The following CERT1 variants were observed in gnomAD, a reference collection of about 807,000 sequenced individuals.
The protein encoded by CERT1 is ceramide transfer protein.
A neutral mutation model predicts 87.9 loss-of-function variants in CERT1; 31 were observed. The observed-to-expected ratio is 0.35, with a 90% CI of 0.27 to 0.48. CERT1 has a LOEUF of 0.48. Among genes scored for constraint, CERT1 ranks in the 20% least tolerant of loss-of-function variants. CERT1 has a pLI of 0.99. For missense variants in CERT1, 487 were observed against 758.0 expected (o/e 0.64, Z 4.20); for synonymous variants, 289 against 250.9 (o/e 1.15, Z -1.44).
intron 16 of CERT1, among the ~76,000 whole-genome samples, chr5:75,380,285 G>A (rs796774110): frequency 3.3e-5 from 5 of 152,186 alleles, no homozygotes; most frequent in East Asian, 1.9e-4. Context: ...CTAGGGAAAC[G>A]CTGACTCAGA....
At chr5:75,416,754 T>C (rs571329414) in intron 7 of CERT1, 122 bp downstream of exon 7, 3 of 762,134 alleles carry the variant, frequency 3.9e-6, no homozygotes, top group Admixed American at 2.9e-5. Context: ...AGAGTAGTAG[T>C]ATCATCTGCT....
chr5:75,425,573 A>G, intron 4 of CERT1, 74 bp from the exon 5 acceptor site: 1 of 1,487,094 alleles, frequency 6.7e-7, no homozygotes. Context: ...ATGGTATTTC[A>G]TCAACTTTTA....
chr5:75,482,918 G>A (rs1285842076), intron 2 of CERT1, among the ~76,000 whole-genome samples: 2 of 151,336 alleles, frequency 1.3e-5, no homozygotes, highest in African/African-American at 4.8e-5. Flanking sequence ...AAGAAGAATG[G>A]GTACAAAGAA....
At chr5:75,397,642 T>C (rs182139640) in intron 11 of CERT1, among the ~76,000 whole-genome samples, 10 of 152,368 alleles carry the variant, frequency 6.6e-5, no homozygotes, top group African/African-American at 2.2e-4. Context: ...TTTAATGCAA[T>C]GTGGAGCTTA....
chr5:75,425,317 CCATT>C, intron 5 of CERT1, 40 bp downstream of exon 5: 2 of 1,567,322 alleles, frequency 1.3e-6, no homozygotes, highest in Non-Finnish European at 8.7e-7. Flanking sequence ...GGCTTTTAAT[CCATT>C]CATTCTCCAA....
intron 2 of CERT1, among the ~76,000 whole-genome samples, chr5:75,472,505 ATATCTGCAAAC>A (rs1371947084): frequency 6.6e-6 from 1 of 152,230 alleles, no homozygotes; most frequent in Non-Finnish European, 1.5e-5. Context: ...ATGGGAGAAA[ATATCTGCAAAC>A]TATATCTCTG....
intron 3 of CERT1, among the ~76,000 whole-genome samples, chr5:75,430,551 A>G (rs991701229): frequency 2.0e-5 from 3 of 152,232 alleles, no homozygotes; most frequent in Non-Finnish European, 2.9e-5. Flanking sequence ...ACAAAGAGGT[A>G]GAAGAAAATG....
intron 8 of CERT1, among the ~76,000 whole-genome samples, chr5:75,408,762 C>T (rs1385534803): frequency 2.0e-5 from 3 of 151,828 alleles, no homozygotes; most frequent in Non-Finnish European, 4.4e-5. Context: ...TGCATGTGTA[C>T]TTCCAATGTA....
At chr5:75,388,693 G>A (rs1393258392) in intron 12 of CERT1, among the ~76,000 whole-genome samples, 1 of 145,882 alleles carries the variant, frequency 6.9e-6, no homozygotes, top group Non-Finnish European at 1.5e-5. Flanking sequence ...TGGCACAAAC[G>A]CGGCTCATTG....
chr5:75,499,827 G>C (rs1767259256), intron 2 of CERT1, among the ~76,000 whole-genome samples: 1 of 152,158 alleles, frequency 6.6e-6, no homozygotes, highest in Non-Finnish European at 1.5e-5. Context: ...TCAGACTGGG[G>C]CTCTTGGCTT....
At chr5:75,454,597 G>T (rs1580793388) in intron 3 of CERT1, among the ~76,000 whole-genome samples, 1 of 152,188 alleles carries the variant, frequency 6.6e-6, no homozygotes, top group Non-Finnish European at 1.5e-5. Flanking sequence ...GTTTCAAGAA[G>T]TTTGCAAAGG....
chr5:75,506,674 G>C (rs955210011), intron 1 of CERT1, among the ~76,000 whole-genome samples: 4 of 152,134 alleles, frequency 2.6e-5, no homozygotes, highest in Admixed American at 6.6e-5. Context: ...ATAATCTTTA[G>C]TAAGCTGGCA....
intron 2 of CERT1, among the ~76,000 whole-genome samples, chr5:75,484,365 A>G (rs1162203499): frequency 6.6e-6 from 1 of 151,910 alleles, no homozygotes; most frequent in Non-Finnish European, 1.5e-5. Context: ...CAGAAAACAA[A>G]TAACAAAATG....
At chr5:75,390,372 C>T (rs1761982143) in intron 11 of CERT1, among the ~76,000 whole-genome samples, 1 of 152,062 alleles carries the variant, frequency 6.6e-6, no homozygotes, top group Non-Finnish European at 1.5e-5. Flanking sequence ...GGGGACAATG[C>T]TAATATTCAT....
rs528499938 is a variant in CERT1, at chr5:75,458,557, C to T, written c.348+508G>A. On this transcript the variant is annotated intron_variant, in intron 3 of 16. Coordinates refer to ENST00000643780, the MANE Select transcript of CERT1 (RefSeq NM_001379029.1). Reference sequence around the variant, plus strand: ...GTAGTTAACAATGAAAAATATTTATCTTTTTTTTTTTTGAGATGGAGTCTT... The same window carrying T: ...GTAGTTAACAATGAAAAATATTTATTTTTTTTTTTTTTGAGATGGAGTCTT... Among the ~76,000 whole-genome samples, 104 of 146,402 alleles carry T rather than the reference C, an allele frequency of 7.1e-4. 1 individual carries two copies. The highest frequency in any genetic ancestry group is 2.5e-3 in the African/African-American group (101 of 40,144).
chr5:75,402,201 G>T (rs1281710502), intron 9 of CERT1: 1 of 152,202 alleles, frequency 6.6e-6, no homozygotes, highest in Non-Finnish European at 1.5e-5. Flanking sequence ...AACTGAAGGT[G>T]AAGTAGTGAA....
chr5:75,470,956 GA>G lies in CERT1; in HGVS notation c.232-11776del, dbSNP rs908134630. On this transcript the variant is annotated intron_variant, in intron 2 of 16. Transcript: ENST00000643780. ...ATACACTAACAATGAACTATCTGGGGAAAAAAAAGAAGAAAATAATCCCATT... is the reference window on the plus strand; with the variant it reads ...ATACACTAACAATGAACTATCTGGGGAAAAAAAGAAGAAAATAATCCCATT... Among the ~76,000 whole-genome samples, 8 of 151,026 alleles carry G rather than the reference GA, an allele frequency of 5.3e-5. No individual in the cohort carries two copies. In the South Asian group the frequency reaches 6.3e-4, roughly 12 times the overall value.
chr5:75,478,909 TAAAAAAAAAA>T (rs11438163), intron 2 of CERT1, among the ~76,000 whole-genome samples: 1 of 21,748 alleles, frequency 4.6e-5, no homozygotes, highest in African/African-American at 2.1e-4. Flanking sequence ...AAGTAAGTAC[TAAAAAAAAAA>T]AAAAAAAAAA....
At chr5:75,403,726 G>A (rs1762596227) in intron 8 of CERT1, among the ~76,000 whole-genome samples, 1 of 152,186 alleles carries the variant, frequency 6.6e-6, no homozygotes, top group African/African-American at 2.4e-5. Flanking sequence ...GCAGAATAAT[G>A]GCCATCAATC....
Sources: gnomAD v4.1 joint callset for allele counts (sites outside exome capture counted in the v4.1 genomes callset) on GRCh38, gnomAD v4.1.1 for gene constraint, MANE v1.5 for transcripts, NCBI Gene and HGNC (gene_info 2026-07-23, HGNC 2026-07-21) for gene names.